The following CADM2 variants were observed in gnomAD, a reference collection of about 807,000 sequenced individuals.
CADM2 encodes immunoglobulin superfamily member 4D.
Under a neutral mutation model 49.8 loss-of-function variants are expected in CADM2, and 12 were observed. That is an observed-to-expected ratio of 0.24 (90% CI 0.15 to 0.39). CADM2 has a LOEUF of 0.39. Ranked by LOEUF, CADM2 falls within the 10% of genes least tolerant of loss-of-function variation. The pLI is 1.00. For synonymous variants in CADM2, 214 were observed against 175.4 expected, an observed-to-expected ratio of 1.22 and a Z score of -1.74; for missense variants, 378 against 492.3, an observed-to-expected ratio of 0.77 and a Z score of 2.20.
At chr3:85,751,863 A>G (rs1287923401) in intron 2 of CADM2, among the ~76,000 whole-genome samples, 1 of 152,176 alleles carries the variant, frequency 6.6e-6, no homozygotes, top group African/African-American at 2.4e-5. Flanking sequence ...TATCAGAACT[A>G]TCACTAGAGG....
chr3:85,897,241 C>CTTTTTTTTTTTTTT lies in CADM2; in HGVS notation c.529+10940_529+10953dup, dbSNP rs752550127. ...CAACAATAATTGCTTTAACCTACAT[C>CTTTTTTTTTTTTTT]TTTTTTTTTTTTTTTTTTTTTTTTT... On this transcript the variant is annotated intron_variant, in intron 5 of 9. Coordinates refer to ENST00000383699, the MANE Select transcript of CADM2 (RefSeq NM_001167675.2). 1.3e-4 allele frequency among the ~76,000 whole-genome samples: 6 copies of CTTTTTTTTTTTTTT among 45,926 alleles called. 1 individual carries two copies. Among genetic ancestry groups the CTTTTTTTTTTTTTT allele is most frequent in the African/African-American group, 2.7e-4 (4 of 14,948 alleles). The allele number at this position is 45,926 out of a possible 152,430, so 30.1% of individuals were successfully genotyped here. A position where few individuals can be genotyped will look rare whatever the true frequency, so the allele number is the denominator to read the frequency against.
intron 1 of CADM2, among the ~76,000 whole-genome samples, chr3:85,715,113 CAT>C (rs1039132412): frequency 2.0e-5 from 3 of 152,176 alleles, no homozygotes; most frequent in East Asian, 1.9e-4. Flanking sequence ...TCTATACACA[CAT>C]ATATATATGC....
intron 6 of CADM2, among the ~76,000 whole-genome samples, chr3:85,920,039 AC>A (rs1718895552): frequency 6.6e-6 from 1 of 151,746 alleles, no homozygotes; most frequent in South Asian, 2.1e-4. Context: ...CACTACACAA[AC>A]CCGTACGTTT....
In CADM2 at chr3:85,359,666, A is replaced by ATATATATTTTT; in HGVS notation, c.62-366855_62-366854insATATATTTTTT. Reference sequence around the variant, plus strand: ...TATATATATATATATATATATATATATTTTTTTTTTTGGTGGAGGGGAGAA... The same window carrying ATATATATTTTT: ...TATATATATATATATATATATATATATATATATTTTTTTTTTTTTTTTGGTGGAGGGGAGAA... On this transcript the variant is annotated intron_variant, in intron 1 of 9. Coordinates refer to ENST00000383699, the MANE Select transcript of CADM2 (RefSeq NM_001167675.2). 2.8e-3 allele frequency among the ~76,000 whole-genome samples: 73 copies of ATATATATTTTT among 26,532 alleles called. 3 individuals carry two copies. The highest frequency in any genetic ancestry group is 4.1e-3 in the Non-Finnish European group (51 of 12,302). 17.4% of individuals were successfully genotyped at this position (26,532 alleles called of 152,430 possible).
At chr3:86,002,283 A>G (rs929097032) in intron 8 of CADM2, among the ~76,000 whole-genome samples, 3 of 152,136 alleles carry the variant, frequency 2.0e-5, no homozygotes, top group Non-Finnish European at 4.4e-5. Flanking sequence ...AATCCACGGG[A>G]TCGATGTTGC....
intron 8 of CADM2, among the ~76,000 whole-genome samples, chr3:86,041,701 G>C (rs1214224361): frequency 6.6e-6 from 1 of 152,118 alleles, no homozygotes; most frequent in East Asian, 1.9e-4. Context: ...GGGTATCCAG[G>C]AACTGAACTC....
At chr3:85,488,328 T>C (rs2039515985) in intron 1 of CADM2, among the ~76,000 whole-genome samples, 1 of 152,132 alleles carries the variant, frequency 6.6e-6, no homozygotes, top group Non-Finnish European at 1.5e-5. Context: ...TAATGTTTAA[T>C]TATATTTAAA....
At chr3:85,551,360 G>T (rs538528184) in intron 1 of CADM2, among the ~76,000 whole-genome samples, 12 of 152,236 alleles carry the variant, frequency 7.9e-5, no homozygotes, top group African/African-American at 2.4e-4. Context: ...GCAAGGATCT[G>T]TCTCTTAAAG....
intron 1 of CADM2, among the ~76,000 whole-genome samples, chr3:85,126,733 C>A (rs927167135): frequency 4.6e-5 from 7 of 151,924 alleles, no homozygotes; most frequent in Non-Finnish European, 8.8e-5. Flanking sequence ...AAGTTTGCAT[C>A]ATTTCTAAAA....
At chr3:85,483,769 A>AT (rs1475919310) in intron 1 of CADM2, among the ~76,000 whole-genome samples, 1 of 151,262 alleles carries the variant, frequency 6.6e-6, no homozygotes, top group Admixed American at 6.6e-5. Flanking sequence ...GTAATATATT[A>AT]TTTTTGAAAC....
At chr3:85,807,694 A>G (rs1465036888) in intron 3 of CADM2, among the ~76,000 whole-genome samples, 1 of 152,102 alleles carries the variant, frequency 6.6e-6, no homozygotes, top group Admixed American at 6.6e-5. Context: ...GCCACACTAG[A>G]CATATTTCAA....
chr3:85,986,959 C>T (rs1488604067), intron 8 of CADM2, among the ~76,000 whole-genome samples: 1 of 151,994 alleles, frequency 6.6e-6, no homozygotes, highest in African/African-American at 2.4e-5. Context: ...TTCAGGTTAG[C>T]ATCGAGTGCT....
At chr3:84,966,021 A>G (rs949915621) in intron 1 of CADM2, among the ~76,000 whole-genome samples, 2 of 152,176 alleles carry the variant, frequency 1.3e-5, no homozygotes, top group Admixed American at 1.3e-4. Flanking sequence ...GTAGCTTTGT[A>G]TATTTTGATT....
intron 8 of CADM2, among the ~76,000 whole-genome samples, chr3:85,996,908 T>C (rs1045565580): frequency 6.6e-6 from 1 of 152,226 alleles, no homozygotes; most frequent in African/African-American, 2.4e-5. Context: ...TTGAAATTCC[T>C]GTTCTTACAC....
In CADM2 at chr3:85,020,438, A is replaced by G. The variant is rs186491056; in HGVS notation, c.61+60770A>G. On this transcript the variant is annotated intron_variant, in intron 1 of 9. Coordinates refer to ENST00000383699, the MANE Select transcript of CADM2 (RefSeq NM_001167675.2). ...CAACAAGTCATGAGGTATAATGAACATATCAATCAAATTTGAAATAAAAAT... is the reference window on the plus strand; with the variant it reads ...CAACAAGTCATGAGGTATAATGAACGTATCAATCAAATTTGAAATAAAAAT... Among the ~76,000 whole-genome samples the G allele has an allele frequency of 1.9e-4, 29 of 152,344 alleles. 1 individual carries two copies. The East Asian group carries it at 5.2e-3, about 27-fold the overall frequency.
At chr3:85,746,950 A>C (rs1265696881) in intron 2 of CADM2, among the ~76,000 whole-genome samples, 1 of 152,074 alleles carries the variant, frequency 6.6e-6, no homozygotes, top group African/African-American at 2.4e-5. Flanking sequence ...GTTTTCCTCT[A>C]ATTTTTGAAT....
At chr3:85,223,668 T>C (rs1559729398) in intron 1 of CADM2, among the ~76,000 whole-genome samples, 1 of 152,150 alleles carries the variant, frequency 6.6e-6, no homozygotes, top group Non-Finnish European at 1.5e-5. Context: ...GTTTGTTACA[T>C]AGGTATACAT....
intron 1 of CADM2, among the ~76,000 whole-genome samples, chr3:84,998,185 C>A (rs2033275265): frequency 6.6e-6 from 1 of 152,046 alleles, no homozygotes; most frequent in African/African-American, 2.4e-5. Flanking sequence ...TATAATGAGG[C>A]TCAGATAATC....
At chr3:85,935,031 C>G (rs1037664156) in intron 6 of CADM2, among the ~76,000 whole-genome samples, 2 of 151,890 alleles carry the variant, frequency 1.3e-5, no homozygotes, top group African/African-American at 4.8e-5. Context: ...AAATATGTTA[C>G]CTTTGTGTTG....
Sources: gnomAD v4.1 joint callset for allele counts (sites outside exome capture counted in the v4.1 genomes callset) on GRCh38, gnomAD v4.1.1 for gene constraint, MANE v1.5 for transcripts, NCBI Gene and HGNC (gene_info 2026-07-23, HGNC 2026-07-21) for gene names.